Variants in SIPA1L3 observed in about 807,000 individuals in gnomAD.
The protein encoded by SIPA1L3 is signal induced proliferation associated 1 like 3.
In SIPA1L3, 59 loss-of-function variants were observed where a neutral mutation model predicts 150.1. The observed-to-expected ratio is 0.39, with a 90% CI of 0.32 to 0.49. SIPA1L3 has a LOEUF of 0.49. Among genes scored for constraint, SIPA1L3 ranks in the 20% least tolerant of loss-of-function variants. The probability of loss-of-function intolerance (pLI) is 0.86; values close to 1 mark genes in which losing one functional copy is unlikely to be tolerated. For missense variants in SIPA1L3, 2,211 were observed against 2,489.5 expected (o/e 0.89, Z 2.38); for synonymous variants, 1,070 against 1,077.6 (o/e 0.99, Z 0.14).
At chr19:38,065,041 C>T (rs141908418) in intron 2 of SIPA1L3, among the ~76,000 whole-genome samples, 3 of 152,260 alleles carry the variant, frequency 2.0e-5, no homozygotes, top group Admixed American at 6.5e-5. Flanking sequence ...AATTTCATCT[C>T]TCTACGCAGG....
intron 1 of SIPA1L3, among the ~76,000 whole-genome samples, chr19:37,998,998 CA>C (rs1463991706): frequency 9.9e-5 from 15 of 151,706 alleles, no homozygotes; most frequent in African/African-American, 2.4e-4. Flanking sequence ...CACACACACA[CA>C]CACACACACA....
intron 1 of SIPA1L3, among the ~76,000 whole-genome samples, chr19:37,965,316 A>ATT (rs2046893355): frequency 7.5e-6 from 1 of 133,072 alleles, no homozygotes; most frequent in Non-Finnish European, 1.6e-5. Flanking sequence ...TTATATTTCT[A>ATT]GTTTTTTTTT....
In SIPA1L3 at chr19:38,119,855, C is replaced by T. The variant is rs759645036; in HGVS notation, c.2841C>T (p.Asp947=). The T allele has an allele frequency of 2.8e-5, 45 of 1,611,296 alleles. No homozygotes were observed. The highest frequency in any genetic ancestry group is 3.7e-5 in the Non-Finnish European group (44 of 1,179,380). The change falls in exon 9 of 22, where the codon GAC becomes GAT. Residue 947 remains aspartate (D), a synonymous_variant. Coordinates refer to ENST00000222345, the MANE Select transcript of SIPA1L3 (RefSeq NM_015073.3). ...FLQATEGSVE[D]IREIVQRLKV... ...AGGCGACAGAGGGTTCTGTGGAGGA[C>T]ATAAGGGAGATAGTGCAGAGACTGA... is the stretch of plus-strand genomic sequence containing the variant.
chr19:38,110,205 C>T (rs752850894), intron 7 of SIPA1L3, 22 bp from the exon 8 acceptor site: 2 of 1,612,096 alleles, frequency 1.2e-6, no homozygotes, highest in East Asian at 4.5e-5. Flanking sequence ...GGTTCCTGTC[C>T]CCCTCTGTTG....
chr19:37,962,486 T>TTTTTTTTTTTTTA (rs2046868262), intron 1 of SIPA1L3, among the ~76,000 whole-genome samples: 1 of 128,436 alleles, frequency 7.8e-6, no homozygotes, highest in Non-Finnish European at 1.6e-5. Context: ...TTTTTTTTTT[T>TTTTTTTTTTTTTA]GAGATAGGGT....
At chr19:38,122,922 T>A (rs1366336437) in intron 9 of SIPA1L3, among the ~76,000 whole-genome samples, 1 of 152,198 alleles carries the variant, frequency 6.6e-6, no homozygotes, top group African/African-American at 2.4e-5. Context: ...TGGAGCACAT[T>A]CACGCGCTTT....
intron 3 of SIPA1L3, among the ~76,000 whole-genome samples, chr19:38,083,542 C>G (rs975255062): frequency 5.3e-5 from 8 of 151,088 alleles, no homozygotes; most frequent in African/African-American, 2.0e-4. Flanking sequence ...AAGAGTACAG[C>G]AGGGAAGAAG....
chr19:38,005,846 G>A (rs577161625), intron 1 of SIPA1L3, among the ~76,000 whole-genome samples: 5 of 152,264 alleles, frequency 3.3e-5, no homozygotes, highest in South Asian at 2.1e-4. Context: ...CCAGGAGTTC[G>A]AGACCAGCCT....
intron 10 of SIPA1L3, among the ~76,000 whole-genome samples, chr19:38,132,126 G>A (rs1971325395): frequency 6.6e-6 from 1 of 152,006 alleles, no homozygotes; most frequent in Non-Finnish European, 1.5e-5. Context: ...TGTAGCCCCA[G>A]CTATTTTCAG....
intron 1 of SIPA1L3, among the ~76,000 whole-genome samples, chr19:37,948,926 G>GGA (rs1286112882): frequency 6.6e-6 from 1 of 152,232 alleles, no homozygotes; most frequent in Admixed American, 6.5e-5. Flanking sequence ...GGAGCTTCCA[G>GGA]AGCTTGTTCC....
intron 1 of SIPA1L3, among the ~76,000 whole-genome samples, chr19:37,937,146 A>G (rs2046607612): frequency 6.6e-6 from 1 of 152,164 alleles, no homozygotes; most frequent in African/African-American, 2.4e-5. Context: ...TACAGGCGTG[A>G]GCCACCATAC....
chr19:37,954,351 T>C (rs1257026639), intron 1 of SIPA1L3, among the ~76,000 whole-genome samples: 1 of 152,106 alleles, frequency 6.6e-6, no homozygotes, highest in Non-Finnish European at 1.5e-5. Flanking sequence ...AGTCTGGGGG[T>C]TTAAGTAGCT....
intron 1 of SIPA1L3, among the ~76,000 whole-genome samples, chr19:37,973,027 A>G (rs1205660883): frequency 1.3e-5 from 2 of 152,022 alleles, no homozygotes; most frequent in Non-Finnish European, 1.5e-5. Flanking sequence ...ATTCAAGTCA[A>G]TCAGGTGCCT....
intron 1 of SIPA1L3, among the ~76,000 whole-genome samples, chr19:37,996,917 G>C (rs1270782439): frequency 6.6e-6 from 1 of 151,822 alleles, no homozygotes; most frequent in Admixed American, 6.6e-5. Flanking sequence ...GGCTGGTCTC[G>C]AACTCCTGAC....
chr19:38,080,387 A>T (rs1247479794), intron 2 of SIPA1L3, among the ~76,000 whole-genome samples: 1 of 152,230 alleles, frequency 6.6e-6, no homozygotes, highest in African/African-American at 2.4e-5. Flanking sequence ...TCCACAGGAC[A>T]GGTGACCCCT....
intron 1 of SIPA1L3, among the ~76,000 whole-genome samples, chr19:37,977,289 C>G (rs1967098932): frequency 6.6e-6 from 1 of 151,558 alleles, no homozygotes; most frequent in Non-Finnish European, 1.5e-5. Context: ...CTCAGCCTCC[C>G]AAGTAGCTGG....
chr19:38,000,900 A>ATATATATATATGT lies in SIPA1L3; in HGVS notation c.-378-28179_-378-28178insTGTTATATATATA, dbSNP rs1555775635. Among the ~76,000 whole-genome samples the ATATATATATATGT allele has an allele frequency of 2.0e-3, 260 of 131,394 alleles. 1 individual carries two copies. Among genetic ancestry groups the ATATATATATATGT allele is most frequent in the Admixed American group, 3.5e-3 (43 of 12,274 alleles). The allele number at this position is 131,394 out of a possible 152,430, so 86.2% of individuals were successfully genotyped here. A position where few individuals can be genotyped will look rare whatever the true frequency, so the allele number is the denominator to read the frequency against. ...TTTTATATATATATATATGTTATATATATATATATAACATATATATAACAT... is the reference window on the plus strand; with the variant it reads ...TTTTATATATATATATATGTTATATATATATATATATGTTATATATATAACATATATATAACAT... On this transcript the variant is annotated intron_variant, in intron 1 of 21. Transcript: ENST00000222345.
chr19:38,098,578 G>T (rs1970432222), intron 4 of SIPA1L3, among the ~76,000 whole-genome samples: 1 of 151,878 alleles, frequency 6.6e-6, no homozygotes. Flanking sequence ...TATTTTTAAT[G>T]GAGACAGGGT....
chr19:37,920,204 A>G (rs1249942901), intron 1 of SIPA1L3, among the ~76,000 whole-genome samples: 1 of 151,936 alleles, frequency 6.6e-6, no homozygotes. Context: ...GACTACAGGT[A>G]TGCACAACCA....
Sources: gnomAD v4.1 joint callset for allele counts (sites outside exome capture counted in the v4.1 genomes callset) on GRCh38, gnomAD v4.1.1 for gene constraint, MANE v1.5 for transcripts, NCBI Gene and HGNC (gene_info 2026-07-23, HGNC 2026-07-21) for gene names.